Variants in GAB1 observed in about 807,000 individuals in gnomAD.
The protein encoded by GAB1 is GRB2 associated binding protein 1.
GAB1 carries 19 observed loss-of-function variants against 66.5 expected under a neutral mutation model. The ratio of observed to expected loss-of-function variants is 0.29; its 90% CI spans 0.20 to 0.42. The LOEUF (loss-of-function observed/expected upper bound fraction) is 0.42, where lower values mean the gene tolerates loss of function less well. Among genes scored for constraint, GAB1 ranks in the 10% least tolerant of loss-of-function variants. The probability of loss-of-function intolerance (pLI) is 1.00; values close to 1 mark genes in which losing one functional copy is unlikely to be tolerated. For missense variants in GAB1, 732 were observed against 858.5 expected (o/e 0.85, Z 1.84); for synonymous variants, 294 against 301.4 (o/e 0.98, Z 0.25).
intron 6 of GAB1, chr4:143,457,760 A>G: frequency 6.4e-7 from 1 of 1,557,152 alleles, no homozygotes; most frequent in Non-Finnish European, 8.7e-7. Context: ...CTTTGCTACA[A>G]GAAGAAAGGG....
chr4:143,455,733 A>C (rs1179569724), intron 6 of GAB1, among the ~76,000 whole-genome samples: 1 of 152,250 alleles, frequency 6.6e-6, no homozygotes, highest in Non-Finnish European at 1.5e-5. Context: ...AGGAATGAGC[A>C]CATTTCTTCC....
chr4:143,351,901 T>A (rs1385464318), intron 1 of GAB1, among the ~76,000 whole-genome samples: 2 of 152,312 alleles, frequency 1.3e-5, no homozygotes, highest in Admixed American at 6.5e-5. Context: ...GTTCTTACAT[T>A]TATTTTATTC....
chr4:143,440,931 A>G (rs899639571), intron 6 of GAB1, among the ~76,000 whole-genome samples: 1 of 152,248 alleles, frequency 6.6e-6, no homozygotes, highest in Non-Finnish European at 1.5e-5. Context: ...CCTCTTCTCC[A>G]GAGTATATAA....
intron 1 of GAB1, among the ~76,000 whole-genome samples, chr4:143,382,681 T>G (rs541066633): frequency 8.5e-5 from 13 of 152,276 alleles, no homozygotes; most frequent in African/African-American, 2.6e-4. Flanking sequence ...GAAGAGACTG[T>G]CAGAGAAAGT....
chr4:143,409,262 G>A lies in GAB1; in HGVS notation c.73-6215G>A, dbSNP rs1227278978. 3.9e-5 allele frequency among the ~76,000 whole-genome samples: 6 copies of A among 152,174 alleles called. No homozygotes were observed. In the East Asian group the frequency reaches 9.6e-4, roughly 24 times the overall value. ...TGAAAAAGAAACAAGGACCATGTGG[G>A]TGCTGTCTGAGGCCATCTGTGGAGG... On this transcript the variant is annotated intron_variant, in intron 1 of 9. Transcript: ENST00000262994.
intron 6 of GAB1, among the ~76,000 whole-genome samples, chr4:143,450,009 A>AT (rs1398310848): frequency 6.6e-6 from 1 of 152,148 alleles, no homozygotes; most frequent in Non-Finnish European, 1.5e-5. Flanking sequence ...TGTATGAGTA[A>AT]TACCAGTACA....
At chr4:143,427,199 C>A (rs1490463060) in intron 2 of GAB1, among the ~76,000 whole-genome samples, 1 of 152,180 alleles carries the variant, frequency 6.6e-6, no homozygotes, top group South Asian at 2.1e-4. Flanking sequence ...ATCTATCACT[C>A]CCCACTCTAA....
intron 8 of GAB1, 178 bp from the exon 9 acceptor site, chr4:143,465,925 C>A: frequency 1.8e-6 from 1 of 560,912 alleles, no homozygotes; most frequent in Non-Finnish European, 3.0e-6. Context: ...TTGCTCTAAG[C>A]TAGGCTTTAA....
chr4:143,410,826 T>C (rs1480440823), intron 1 of GAB1, among the ~76,000 whole-genome samples: 4 of 152,164 alleles, frequency 2.6e-5, no homozygotes, highest in Non-Finnish European at 4.4e-5. Flanking sequence ...AAACATTTTG[T>C]ATTGCGTATT....
chr4:143,430,048 C>T (rs767039490), intron 2 of GAB1, among the ~76,000 whole-genome samples: 1 of 152,188 alleles, frequency 6.6e-6, no homozygotes, highest in Non-Finnish European at 1.5e-5. Context: ...TTAGTTAACT[C>T]GTTTTGCTTG....
intron 1 of GAB1, among the ~76,000 whole-genome samples, chr4:143,340,925 G>A (rs528987128): frequency 4.5e-4 from 68 of 152,238 alleles, no homozygotes; most frequent in African/African-American, 1.4e-3. Context: ...TTTTGTACAC[G>A]CTAGTGTGTT....
At chr4:143,426,428 G>A (rs973768872) in intron 2 of GAB1, among the ~76,000 whole-genome samples, 3 of 152,242 alleles carry the variant, frequency 2.0e-5, no homozygotes, top group Non-Finnish European at 2.9e-5. Context: ...GTGTGTGCCT[G>A]TAGCCCCAGC....
chr4:143,445,370 G>T (rs1001024393), intron 6 of GAB1, among the ~76,000 whole-genome samples: 1 of 152,012 alleles, frequency 6.6e-6, no homozygotes, highest in Non-Finnish European at 1.5e-5. Context: ...TCATACATTT[G>T]TTGGCCACTT....
chr4:143,349,398 A>G (rs1729102797), intron 1 of GAB1: 2 of 1,048,816 alleles, frequency 1.9e-6, no homozygotes, highest in Non-Finnish European at 1.5e-6. Context: ...TCCAGAGGTC[A>G]GGGGTCAGAT....
intron 6 of GAB1, chr4:143,457,595 C>G: frequency 3.4e-6 from 1 of 294,426 alleles, no homozygotes; most frequent in South Asian, 5.1e-5. Context: ...GGCTCTGTTG[C>G]TTTTTTTTTT....
intron 1 of GAB1, among the ~76,000 whole-genome samples, chr4:143,384,027 C>A (rs536994278): frequency 6.6e-6 from 1 of 151,914 alleles, no homozygotes; most frequent in Non-Finnish European, 1.5e-5. Context: ...GAGCTATGGT[C>A]GCACCACTGC....
intron 8 of GAB1, among the ~76,000 whole-genome samples, chr4:143,463,817 G>GTTAACCA (rs1735628701): frequency 6.6e-6 from 1 of 152,072 alleles, no homozygotes; most frequent in Non-Finnish European, 1.5e-5. Flanking sequence ...ACACACAAAT[G>GTTAACCA]TTAACCATAC....
intron 2 of GAB1, among the ~76,000 whole-genome samples, chr4:143,428,398 C>T (rs901242330): frequency 6.6e-6 from 1 of 152,102 alleles, no homozygotes; most frequent in African/African-American, 2.4e-5. Flanking sequence ...TGTGACACAC[C>T]CAGATAACTG....
At chr4:143,441,718 G>A (rs978395302) in intron 6 of GAB1, among the ~76,000 whole-genome samples, 3 of 152,108 alleles carry the variant, frequency 2.0e-5, no homozygotes, top group Non-Finnish European at 2.9e-5. Flanking sequence ...TTTCTTTTCT[G>A]ATTCTTTTTT....
Sources: allele counts gnomAD v4.1 joint callset (sites outside exome capture counted in the v4.1 genomes callset), GRCh38; gene constraint gnomAD v4.1.1; transcripts MANE v1.5; gene names NCBI Gene and HGNC (gene_info 2026-07-23, HGNC 2026-07-21).